Variants in MLLT10 observed in about 807,000 individuals in gnomAD.
MLLT10 encodes the protein MLLT10 histone lysine methyltransferase DOT1L cofactor.
Under a neutral mutation model 129.1 loss-of-function variants are expected in MLLT10, and 30 were observed. The observed-to-expected ratio is 0.23, with a 90% confidence interval of 0.17 to 0.32. MLLT10 has a LOEUF of 0.32. Among genes scored for constraint, MLLT10 ranks in the 10% least tolerant of loss-of-function variants. MLLT10 has a pLI of 1.00. For missense variants in MLLT10, 1,119 were observed against 1,268.3 expected (o/e 0.88, Z 1.79); for synonymous variants, 490 against 446.4 (o/e 1.10, Z -1.23).
At chr10:21,543,286 A>T (rs2035519780) in intron 3 of MLLT10, among the ~76,000 whole-genome samples, 1 of 151,694 alleles carries the variant, frequency 6.6e-6, no homozygotes, top group Non-Finnish European at 1.5e-5. Context: ...ATGCCCGGCT[A>T]ATTTTTGTAT....
chr10:21,717,780 G>GCTTCTTCTT (rs139007268), intron 14 of MLLT10, among the ~76,000 whole-genome samples: 2 of 51,474 alleles, frequency 3.9e-5, no homozygotes, highest in Non-Finnish European at 7.6e-5. Context: ...TGCTGCTGCT[G>GCTTCTTCTT]CTTCTTCTTC....
intron 18 of MLLT10, 135 bp downstream of exon 18, chr10:21,733,222 T>G: frequency 1.2e-6 from 1 of 847,880 alleles, no homozygotes; most frequent in Non-Finnish European, 1.7e-6. Flanking sequence ...TTGAAGGGCA[T>G]AAAGAATCCT....
intron 8 of MLLT10, among the ~76,000 whole-genome samples, chr10:21,649,652 G>T (rs984907361): frequency 6.6e-6 from 1 of 152,220 alleles, no homozygotes; most frequent in Admixed American, 6.5e-5. Context: ...GAGTACCTCA[G>T]TTCACCCTGT....
chr10:21,588,293 C>T (rs1485656186), intron 4 of MLLT10, among the ~76,000 whole-genome samples: 1 of 152,162 alleles, frequency 6.6e-6, no homozygotes, highest in Non-Finnish European at 1.5e-5. Flanking sequence ...TGTTGAACTC[C>T]TGACCTCAAA....
chr10:21,657,118 G>T (rs1356396300), intron 9 of MLLT10, among the ~76,000 whole-genome samples: 1 of 152,092 alleles, frequency 6.6e-6, no homozygotes, highest in Non-Finnish European at 1.5e-5. Context: ...GATGCCAGGT[G>T]GGGTAGCTCA....
At chr10:21,717,522 TCC>T (rs2056698406) in intron 14 of MLLT10, among the ~76,000 whole-genome samples, 1 of 101,166 alleles carries the variant, frequency 9.9e-6, no homozygotes, top group Non-Finnish European at 1.9e-5. Context: ...CTCCACCACC[TCC>T]TCCTCCTCCT....
intron 3 of MLLT10, among the ~76,000 whole-genome samples, chr10:21,585,686 C>T (rs999036893): frequency 5.6e-4 from 85 of 152,208 alleles, no homozygotes; most frequent in African/African-American, 2.0e-3. Flanking sequence ...TTTGTTTTTT[C>T]TCCCGCTCCC....
chr10:21,602,768 G>A (rs543286890), intron 5 of MLLT10, among the ~76,000 whole-genome samples: 3 of 148,380 alleles, frequency 2.0e-5, no homozygotes, highest in Non-Finnish European at 3.0e-5. Flanking sequence ...TTGCTCTGTC[G>A]CCCAGGCTGG....
At position 21,733,518 on chromosome 10, in the gene MLLT10, T is replaced by C. The variant is rs762557323; in HGVS notation, c.2422T>C (p.Ser808Pro). 1.9e-6 allele frequency: 3 copies of C among 1,554,312 alleles called. No individual in the cohort carries two copies. The South Asian group carries it at 3.7e-5, about 19-fold the overall frequency. The change falls in exon 19 of 23, where the codon TCC (serine) becomes CCC (proline). Residue 808 changes from serine (S) to proline (P), a missense_variant. By Grantham distance (74) the Ser-to-Pro change is moderately conservative. Coordinates refer to ENST00000307729, the MANE Select transcript of MLLT10 (RefSeq NM_001195626.3). ...FSAQTAPTTD[S>P]LNSSKSPHIG... ...TATTATTCTAGCTCCTACTACTGAT[T>C]CCTTGAACAGCAGTAAGAGCCCTCA...
chr10:21,646,305 T>C (rs1226178833), intron 8 of MLLT10, among the ~76,000 whole-genome samples: 1 of 152,202 alleles, frequency 6.6e-6, no homozygotes, highest in African/African-American at 2.4e-5. Context: ...CAGTTTAACA[T>C]TTAGGTTCAT....
chr10:21,549,390 G>A (rs999432883), intron 3 of MLLT10, among the ~76,000 whole-genome samples: 1 of 152,240 alleles, frequency 6.6e-6, no homozygotes, highest in South Asian at 2.1e-4. Context: ...GATTACAGGC[G>A]TGAGCCACTG....
chr10:21,662,543 G>T (rs1810452432), intron 9 of MLLT10, among the ~76,000 whole-genome samples: 1 of 151,766 alleles, frequency 6.6e-6, no homozygotes, highest in African/African-American at 2.4e-5. Flanking sequence ...GTTTGTTTTT[G>T]ATCTCTCTGG....
intron 9 of MLLT10, among the ~76,000 whole-genome samples, chr10:21,663,809 G>T (rs1378173123): frequency 6.6e-6 from 1 of 151,876 alleles, no homozygotes; most frequent in Admixed American, 6.6e-5. Context: ...CTTGTGATCC[G>T]CCTGCCTCCA....
intron 3 of MLLT10, among the ~76,000 whole-genome samples, chr10:21,544,339 C>T (rs192193697): frequency 1.6e-4 from 24 of 152,194 alleles, no homozygotes; most frequent in Non-Finnish European, 2.8e-4. Context: ...AAACAAAAGC[C>T]CAACTTTGGT....
chr10:21,542,594 T>G (rs572762713), intron 3 of MLLT10, among the ~76,000 whole-genome samples: 6 of 152,206 alleles, frequency 3.9e-5, no homozygotes, highest in Middle Eastern at 3.4e-3. Context: ...TATTAGATGC[T>G]GCTGGGAGCA....
chr10:21,625,647 T>C, intron 8 of MLLT10: 2 of 760,666 alleles, frequency 2.6e-6, no homozygotes, highest in Non-Finnish European at 4.9e-6. Flanking sequence ...GTGACTTTAC[T>C]GAATTCTTCC....
intron 2 of MLLT10, among the ~76,000 whole-genome samples, chr10:21,536,941 G>A (rs1162376038): frequency 6.6e-6 from 1 of 151,888 alleles, no homozygotes; most frequent in Non-Finnish European, 1.5e-5. Flanking sequence ...GGACCACCAT[G>A]CCCTGCTAAT....
chr10:21,689,152 A>G (rs1270103130), intron 13 of MLLT10, among the ~76,000 whole-genome samples: 2 of 152,036 alleles, frequency 1.3e-5, no homozygotes, highest in African/African-American at 4.8e-5. Flanking sequence ...TCATTTGACA[A>G]GAATATATTA....
At chr10:21,644,683 C>G (rs2048320213) in intron 8 of MLLT10, among the ~76,000 whole-genome samples, 1 of 152,020 alleles carries the variant, frequency 6.6e-6, no homozygotes, top group Non-Finnish European at 1.5e-5. Flanking sequence ...ACTCTGTCCC[C>G]CAAGCTGGAG....
Sources: gnomAD v4.1 joint callset for allele counts (sites outside exome capture counted in the v4.1 genomes callset) on GRCh38, gnomAD v4.1.1 for gene constraint, MANE v1.5 for transcripts, NCBI Gene and HGNC (gene_info 2026-07-23, HGNC 2026-07-21) for gene names.